The following CRTC2 variants were observed in gnomAD, a reference collection of about 807,000 sequenced individuals.
CRTC2 encodes the protein CREB regulated transcription coactivator 2.
CRTC2 carries 25 observed loss-of-function variants against 70.9 expected under a neutral mutation model. The ratio of observed to expected loss-of-function variants is 0.35; its 90% CI spans 0.26 to 0.49. The LOEUF is 0.49. CRTC2 is among the 20% of genes least tolerant of loss of function. The pLI is 0.98. For synonymous variants in CRTC2, 330 were observed against 364.1 expected, an observed-to-expected ratio of 0.91 and a Z score of 1.07; for missense variants, 737 against 882.6, an observed-to-expected ratio of 0.83 and a Z score of 2.09.
At position 153,953,519 on chromosome 1, in the gene CRTC2, A is replaced by C. The variant is rs760130164; in HGVS notation, c.503+19T>G. 3 of 1,607,164 alleles carry C rather than the reference A, an allele frequency of 1.9e-6. No homozygotes were observed. The highest frequency in any genetic ancestry group is 2.6e-6 in the Non-Finnish European group (3 of 1,176,368). ...ACTACAGATAAGAGATCTGGCCTAAAGAAGGCAAAAGCCATCACCTGTTAA... is the reference window on the plus strand; with the variant it reads ...ACTACAGATAAGAGATCTGGCCTAACGAAGGCAAAAGCCATCACCTGTTAA... On this transcript the variant is annotated intron_variant, in intron 5 of 13. Coordinates refer to ENST00000368633, the MANE Select transcript of CRTC2 (RefSeq NM_181715.3).
rs186497333 is a variant in CRTC2, at chr1:153,958,322, G to A, written c.153+23C>T. 1.3e-4 allele frequency: 213 copies of A among 1,607,726 alleles called. No individual in the cohort carries two copies. The African/African-American group carries it at 2.2e-3, about 17-fold the overall frequency. ...CTCCGTAACTGCTCAGCTCTGCTCC[G>A]GCTCCCCGGCGCGGCCCCTCACCCG... is the stretch of plus-strand genomic sequence containing the variant. On this transcript the variant is annotated intron_variant, in intron 1 of 13. Coordinates refer to ENST00000368633, the MANE Select transcript of CRTC2 (RefSeq NM_181715.3).
At chr1:153,951,830 T>A (rs1474062168) in intron 10 of CRTC2, 164 bp from the exon 11 acceptor site, 10 of 1,078,626 alleles carry the variant, frequency 9.3e-6, no homozygotes, top group Non-Finnish European at 2.6e-6. Context: ...GCCCTTCCTC[T>A]TCTTTCTAGG....
intron 10 of CRTC2, 155 bp downstream of exon 10, chr1:153,951,863 C>A: frequency 1.7e-6 from 2 of 1,160,932 alleles, no homozygotes; most frequent in Non-Finnish European, 2.4e-6. Flanking sequence ...TACCAGTTAT[C>A]ACTGGCTGAG....
In CRTC2 at chr1:153,958,524, C is replaced by G; in HGVS notation, c.-27G>C. On this transcript the variant is annotated 5_prime_UTR_variant, in exon 1 of 14. Coordinates refer to ENST00000368633, the MANE Select transcript of CRTC2 (RefSeq NM_181715.3). Reference sequence around the variant, plus strand: ...TTCCTTCCCCGTCCCTCCCTGCCACCCTCCCAGTACCAGCCGCGGCCTCCG... The same window carrying G: ...TTCCTTCCCCGTCCCTCCCTGCCACGCTCCCAGTACCAGCCGCGGCCTCCG... The G allele has an allele frequency of 6.4e-7, 1 of 1,572,954 alleles. No individual in the cohort carries two copies.
At position 153,954,261 on chromosome 1, in the gene CRTC2, C is replaced by A. The variant is rs1454878703; in HGVS notation, c.428G>T (p.Trp143Leu). 2 of 1,612,026 alleles carry A rather than the reference C, an allele frequency of 1.2e-6. No individual in the cohort carries two copies. The highest frequency in any genetic ancestry group is 3.3e-5 in the Admixed American group (2 of 59,816). The change falls in exon 4 of 14, where the codon TGG becomes TTG. Residue 143 changes from tryptophan (W) to leucine (L), a missense_variant. Physicochemically the swap from Trp to Leu is moderately conservative, Grantham distance 61 (BLOSUM62 -2). Around this residue, in one of 3 missense-constraint regions of CRTC2, gnomAD observed 699 missense variants for 823.7 expected, o/e 0.85. Coordinates refer to ENST00000368633, the MANE Select transcript of CRTC2 (RefSeq NM_181715.3). ...GCCCGCCCTGGACACTTACCTTCGCCAGCTAGACTCTGGGGGAGGAGATAA... is the reference window on the plus strand; with the variant it reads ...GCCCGCCCTGGACACTTACCTTCGCAAGCTAGACTCTGGGGGAGGAGATAA... ...AYLSPPPESSWRRTMAWGNFP... is the reference protein window; with the variant it reads ...AYLSPPPESSLRRTMAWGNFP...
intron 11 of CRTC2, among the ~76,000 whole-genome samples, chr1:153,950,910 G>A (rs1189354950): frequency 6.6e-6 from 1 of 152,224 alleles, no homozygotes; most frequent in Non-Finnish European, 1.5e-5. Context: ...CCTGGGCTAT[G>A]TGTGGTGCTA....
In CRTC2 at chr1:153,958,549, G is replaced by A. The variant is rs749066381; in HGVS notation, c.-52C>T. On this transcript the variant is annotated 5_prime_UTR_variant, in exon 1 of 14. Coordinates refer to ENST00000368633, the MANE Select transcript of CRTC2 (RefSeq NM_181715.3). The stretch of plus-strand genomic sequence containing the variant: ...CCTCCCAGTACCAGCCGCGGCCTCC[G>A]CCGCGGCCTCGGCCCGGCTCCTCCA... The A allele has an allele frequency of 6.6e-7, 1 of 1,512,430 alleles. No homozygotes were observed. The highest frequency in any genetic ancestry group is 8.9e-7 in the Non-Finnish European group (1 of 1,127,520). 93.7% of individuals were successfully genotyped at this position (1,512,430 alleles called of 1,614,324 possible). A position where few individuals can be genotyped will look rare whatever the true frequency, so the allele number is the denominator to read the frequency against.
At chr1:153,953,424 G>C in intron 5 of CRTC2, 55 bp from the exon 6 acceptor site, 2 of 1,522,452 alleles carry the variant, frequency 1.3e-6, no homozygotes, top group Non-Finnish European at 1.8e-6. Flanking sequence ...TGGTCCCTAA[G>C]CCCTGCCCAG....
Position 153,956,201 on chromosome 1 carries a change from G to A in CRTC2, c.154-1035C>T, listed in dbSNP as rs539352999. 1.3e-4 allele frequency among the ~76,000 whole-genome samples: 20 copies of A among 152,314 alleles called. No individual in the cohort carries two copies. The South Asian group carries it at 3.9e-3, about 30-fold the overall frequency. On this transcript the variant is annotated intron_variant, in intron 1 of 13. Coordinates refer to ENST00000368633, the MANE Select transcript of CRTC2 (RefSeq NM_181715.3). ...CTGGAAAAACAGCACCAAAACCAAG[G>A]GACATTCTTCCACTGAATCCTAAGG...
At chr1:153,956,723 T>A (rs1385614805) in intron 1 of CRTC2, among the ~76,000 whole-genome samples, 1 of 152,100 alleles carries the variant, frequency 6.6e-6, no homozygotes, top group Non-Finnish European at 1.5e-5. Context: ...ACAGGCTGAG[T>A]CCCAGATCTC....
intron 1 of CRTC2, among the ~76,000 whole-genome samples, chr1:153,957,532 G>A (rs1415581452): frequency 1.3e-5 from 2 of 152,140 alleles, no homozygotes; most frequent in Non-Finnish European, 2.9e-5. Flanking sequence ...AGGCAGCCTG[G>A]CAGAGGCCTG....
rs766941755 is a variant in CRTC2 at position 153,955,118 on chromosome 1, C to T, written c.202G>A (p.Gly68Ser). The change falls in exon 2 of 14, where the codon GGT (glycine) becomes AGT (serine). Residue 68 changes from glycine (G) to serine (S), a missense_variant. By Grantham distance (56) the Gly-to-Ser change is moderately conservative. This residue lies in a region of CRTC2 where 699 missense variants were observed against 823.7 expected (regional missense o/e 0.85). Transcript: ENST00000368633. ...TGGTTAACATTGGGCAGAGACCCAC[C>T]ATAATGAGAGCTCCTTGTGTATGCC... ...RLAYTRSSHY[G>S]GSLPNVNQIG... The T allele has an allele frequency of 3.7e-6, 6 of 1,614,090 alleles. No individual in the cohort carries two copies. The highest frequency in any genetic ancestry group is 5.1e-6 in the Non-Finnish European group (6 of 1,179,952).
chr1:153,948,096 T>A lies in CRTC2; in HGVS notation c.*13A>T. On this transcript the variant is annotated 3_prime_UTR_variant, in exon 14 of 14. Coordinates refer to ENST00000368633, the MANE Select transcript of CRTC2 (RefSeq NM_181715.3). Reference sequence around the variant, plus strand: ...GGGATGGGGCCAAGAAGAGGGATGGTGATGAGGTGCCCTCATTGGAGCCGG... The same window carrying A: ...GGGATGGGGCCAAGAAGAGGGATGGAGATGAGGTGCCCTCATTGGAGCCGG... 1 of 1,611,088 alleles carries A rather than the reference T, an allele frequency of 6.2e-7. No homozygotes were observed. Among genetic ancestry groups the A allele is most frequent in the Non-Finnish European group, 8.5e-7 (1 of 1,177,410 alleles).
Position 153,955,158 on chromosome 1 carries a change from G to A in CRTC2, c.162C>T (p.Ala54=). ...TTGTGTATGCCAGTCGCAGTTTTTGGGCCTGTAACTGAGACATGGGGAACA... is the reference window on the plus strand; with the variant it reads ...TTGTGTATGCCAGTCGCAGTTTTTGAGCCTGTAACTGAGACATGGGGAACA... ...MMDIGSTRLQ[A]QKLRLAYTRS... Residue 54 remains alanine, a synonymous_variant, in exon 2 of 14, where the codon GCC becomes GCT. Coordinates refer to ENST00000368633, the MANE Select transcript of CRTC2 (RefSeq NM_181715.3). 1 of 1,613,464 alleles carries A rather than the reference G, an allele frequency of 6.2e-7. No homozygotes were observed. The highest frequency in any genetic ancestry group is 8.5e-7 in the Non-Finnish European group (1 of 1,179,486).
intron 9 of CRTC2, 67 bp from the exon 10 acceptor site, chr1:153,952,329 A>C: frequency 6.2e-7 from 1 of 1,604,784 alleles, no homozygotes; most frequent in Non-Finnish European, 8.5e-7. Flanking sequence ...GGAAGAGCAG[A>C]GATCAGTCTC....
At chr1:153,957,442 C>A (rs1054893670) in intron 1 of CRTC2, among the ~76,000 whole-genome samples, 1 of 152,166 alleles carries the variant, frequency 6.6e-6, no homozygotes, top group African/African-American at 2.4e-5. Context: ...AGACTGCATA[C>A]CACCTAGGCG....
chr1:153,953,162 G>A (rs1163803117), intron 6 of CRTC2, 104 bp downstream of exon 6: 26 of 611,292 alleles, frequency 4.3e-5, no homozygotes, highest in Non-Finnish European at 5.2e-5. Flanking sequence ...CAGCCTAGGC[G>A]ACAGAGTGAG....
chr1:153,954,273 G>T lies in CRTC2; in HGVS notation c.416C>A (p.Pro139Gln). Residue 139 changes from proline (P) to glutamine (Q), a missense_variant, in exon 4 of 14, where the codon CCA becomes CAA. Physicochemically the swap from Pro to Gln is moderately conservative, Grantham distance 76. Coordinates refer to ENST00000368633, the MANE Select transcript of CRTC2 (RefSeq NM_181715.3). ...PYSPAYLSPP[P>Q]ESSWRRTMAW... Reference sequence around the variant, plus strand: ...CACTTACCTTCGCCAGCTAGACTCTGGGGGAGGAGATAAGTAGGCAGGACT... The same window carrying T: ...CACTTACCTTCGCCAGCTAGACTCTTGGGGAGGAGATAAGTAGGCAGGACT... 3 of 1,612,384 alleles carry T rather than the reference G, an allele frequency of 1.9e-6. No homozygotes were observed. The highest frequency in any genetic ancestry group is 2.5e-6 in the Non-Finnish European group (3 of 1,179,044).
intron 3 of CRTC2, 115 bp from the exon 4 acceptor site, chr1:153,954,431 C>G (rs766663714): frequency 2.1e-5 from 16 of 745,572 alleles, no homozygotes; most frequent in Non-Finnish European, 3.8e-5. Flanking sequence ...CCTTTCTCCT[C>G]TTCTATAAGG....
Sources: gnomAD v4.1 joint callset for allele counts (sites outside exome capture counted in the v4.1 genomes callset) on GRCh38, gnomAD v4.1.1 for gene constraint, gnomAD v4.1.1 regional missense constraint, MANE v1.5 for transcripts, NCBI Gene and HGNC (gene_info 2026-07-23, HGNC 2026-07-21) for gene names.